The following HS3ST4 variants were observed in gnomAD, a reference collection of about 807,000 sequenced individuals.
HS3ST4 encodes the protein heparan sulfate glucosamine 3-O-sulfotransferase 4.
In HS3ST4, 17 loss-of-function variants were observed where a neutral mutation model predicts 29.2. That is an observed-to-expected ratio of 0.58 (90% CI 0.40 to 0.87). The LOEUF is 0.87. Ranked by LOEUF, HS3ST4 falls within the 40% of genes least tolerant of loss-of-function variation. HS3ST4 has a pLI of 0.00. For synonymous variants in HS3ST4, 314 were observed against 285.7 expected (o/e 1.10, Z -1.00); for missense variants, 627 against 634.5 (o/e 0.99, Z 0.13).
intron 1 of HS3ST4, among the ~76,000 whole-genome samples, chr16:25,701,542 A>T (rs968667012): frequency 3.2e-4 from 49 of 152,134 alleles, no homozygotes; most frequent in Admixed American, 3.2e-3. Context: ...GTATATAAAG[A>T]TCCATCCCCG....
At chr16:25,863,799 C>G (rs145670050) in intron 1 of HS3ST4, among the ~76,000 whole-genome samples, 1 of 152,228 alleles carries the variant, frequency 6.6e-6, no homozygotes, top group East Asian at 1.9e-4. Context: ...CCTTGAACAT[C>G]GTGCTACTCA....
intron 1 of HS3ST4, 103 bp from the exon 2 acceptor site, chr16:26,135,509 G>T: frequency 9.0e-7 from 1 of 1,116,378 alleles, no homozygotes; most frequent in South Asian, 1.7e-5. Context: ...ATTTTATTTG[G>T]TGGTTCCAAA....
At chr16:26,076,199 G>C (rs770151946) in intron 1 of HS3ST4, among the ~76,000 whole-genome samples, 1 of 152,144 alleles carries the variant, frequency 6.6e-6, no homozygotes, top group South Asian at 2.1e-4. Flanking sequence ...AATAACGTGA[G>C]AGAGAGGCAT....
At chr16:25,969,069 C>T (rs559134919) in intron 1 of HS3ST4, among the ~76,000 whole-genome samples, 7 of 152,322 alleles carry the variant, frequency 4.6e-5, no homozygotes, top group South Asian at 2.1e-4. Flanking sequence ...TCCACTGTCT[C>T]GGCCTCCCAA....
chr16:25,764,304 C>T (rs1463406601), intron 1 of HS3ST4, among the ~76,000 whole-genome samples: 2 of 152,112 alleles, frequency 1.3e-5, no homozygotes, highest in Non-Finnish European at 2.9e-5. Context: ...CATATTTGCA[C>T]CTACTCTAGG....
Position 26,130,729 on chromosome 16 carries a change from C to A in HS3ST4, c.735-4883C>A, listed in dbSNP as rs117755080. On this transcript the variant is annotated intron_variant, in intron 1 of 1. Coordinates refer to ENST00000331351, the MANE Select transcript of HS3ST4 (RefSeq NM_006040.3). ...AACACCTTTCAGTTTTGAGAGAACT[C>A]CCAGCATAGGCAGAGGACAGTCGTG... is the stretch of plus-strand genomic sequence containing the variant. Among the ~76,000 whole-genome samples, 16 of 152,266 alleles carry A rather than the reference C, an allele frequency of 1.1e-4. No homozygotes were observed. In the East Asian group the frequency reaches 3.1e-3, roughly 29 times the overall value.
intron 1 of HS3ST4, among the ~76,000 whole-genome samples, chr16:26,022,324 T>C (rs1485598654): frequency 3.3e-5 from 5 of 152,132 alleles, no homozygotes; most frequent in Admixed American, 3.3e-4. Context: ...CAGTGGAAAT[T>C]AAGGAAATCT....
intron 1 of HS3ST4, chr16:26,025,097 T>C (rs1269768836): frequency 6.6e-6 from 1 of 152,162 alleles, no homozygotes; most frequent in African/African-American, 2.4e-5. Flanking sequence ...TGCTTTTATA[T>C]AGATTTGCAG....
At chr16:26,080,655 C>A (rs1898713899) in intron 1 of HS3ST4, among the ~76,000 whole-genome samples, 1 of 152,116 alleles carries the variant, frequency 6.6e-6, no homozygotes, top group Non-Finnish European at 1.5e-5. Flanking sequence ...GCTACTCCAG[C>A]CAAGGGACAA....
At chr16:26,125,286 G>T (rs1419391330) in intron 1 of HS3ST4, among the ~76,000 whole-genome samples, 1 of 152,136 alleles carries the variant, frequency 6.6e-6, no homozygotes, top group Non-Finnish European at 1.5e-5. Context: ...ACAGATGGGG[G>T]TGGGGTGGGG....
rs1966266597 is a variant in HS3ST4 at position 25,692,902 on chromosome 16, A to G, written c.485A>G (p.Gln162Arg). Residue 162 changes from glutamine (Q) to arginine (R), a missense_variant, in exon 1 of 2, where the codon CAG becomes CGG. By Grantham distance (43) the Gln-to-Arg change is conservative. Transcript: ENST00000331351. ...AQSALPEREAQESSTTDEDLA... is the reference protein window; with the variant it reads ...AQSALPEREARESSTTDEDLA... ...AGCGCGCTGCCGGAGAGGGAAGCGCAGGAGTCCAGCACCACCGACGAGGAT... is the reference window on the plus strand; with the variant it reads ...AGCGCGCTGCCGGAGAGGGAAGCGCGGGAGTCCAGCACCACCGACGAGGAT... 3.1e-6 allele frequency: 5 copies of G among 1,587,504 alleles called. No homozygotes were observed. The African/African-American group carries it at 4.0e-5, about 13-fold the overall frequency.
At chr16:26,119,699 T>G (rs943214926) in intron 1 of HS3ST4, among the ~76,000 whole-genome samples, 2 of 152,214 alleles carry the variant, frequency 1.3e-5, no homozygotes, top group African/African-American at 4.8e-5. Flanking sequence ...TTCTCTTCTT[T>G]TCTGCTTTTC....
chr16:26,078,762 G>A (rs1388937940), intron 1 of HS3ST4, among the ~76,000 whole-genome samples: 1 of 152,140 alleles, frequency 6.6e-6, no homozygotes, highest in African/African-American at 2.4e-5. Context: ...ATTTGACTTG[G>A]GGGCTTACAG....
intron 1 of HS3ST4, among the ~76,000 whole-genome samples, chr16:26,019,877 C>G (rs926117200): frequency 6.6e-6 from 1 of 152,154 alleles, no homozygotes; most frequent in Non-Finnish European, 1.5e-5. Context: ...CATTCTGACT[C>G]GCATCACACA....
chr16:26,088,953 G>C (rs1438068723), intron 1 of HS3ST4, among the ~76,000 whole-genome samples: 1 of 152,136 alleles, frequency 6.6e-6, no homozygotes, highest in East Asian at 1.9e-4. Flanking sequence ...CTCAAATTCT[G>C]CAAAATCCAT....
chr16:25,789,467 C>CTTCCTTCCTTCCTTCCTTCCTTCCTTCT, intron 1 of HS3ST4, among the ~76,000 whole-genome samples: 1 of 29,434 alleles, frequency 3.4e-5, no homozygotes, highest in Non-Finnish European at 5.9e-5. Flanking sequence ...TCCTTCCTTC[C>CTTCCTTCCTTCCTTCCTTCCTTCCTTCT]TTCTTTCTTT....
chr16:25,771,012 G>A (rs1272360326), intron 1 of HS3ST4, among the ~76,000 whole-genome samples: 2 of 151,676 alleles, frequency 1.3e-5, no homozygotes, highest in Non-Finnish European at 2.9e-5. Context: ...TGAGATACAT[G>A]TGCAGAACAT....
At chr16:26,123,064 AAAAC>A (rs1015955429) in intron 1 of HS3ST4, among the ~76,000 whole-genome samples, 6 of 151,512 alleles carry the variant, frequency 4.0e-5, no homozygotes, top group African/African-American at 1.5e-4. Flanking sequence ...AAAAAAAAAA[AAAAC>A]CGGGGGCTTG....
At chr16:26,118,234 T>C (rs1190637824) in intron 1 of HS3ST4, among the ~76,000 whole-genome samples, 1 of 152,080 alleles carries the variant, frequency 6.6e-6, no homozygotes, top group African/African-American at 2.4e-5. Flanking sequence ...CTTGGCTAAT[T>C]TTTAAAATCT....
Sources: gnomAD v4.1 joint callset for allele counts (sites outside exome capture counted in the v4.1 genomes callset) on GRCh38, gnomAD v4.1.1 for gene constraint, MANE v1.5 for transcripts, NCBI Gene and HGNC (gene_info 2026-07-23, HGNC 2026-07-21) for gene names.